ABCC1: variants seen among roughly 807,000 people sequenced by gnomAD.
ABCC1 encodes ATP binding cassette subfamily C member 1 (ABCC1 blood group).
In ABCC1, 83 loss-of-function variants were observed where a neutral mutation model predicts 172.9. That is an observed-to-expected ratio of 0.48 (90% CI 0.40 to 0.58). The LOEUF is 0.58. ABCC1 is among the 20% of genes least tolerant of loss of function. The pLI, the probability that ABCC1 is intolerant of heterozygous loss-of-function variation, is 0.00. For synonymous variants in ABCC1, 937 were observed against 825.2 expected, an observed-to-expected ratio of 1.14 and a Z score of -2.32; for missense variants, 1,817 against 2,002.7, an observed-to-expected ratio of 0.91 and a Z score of 1.77.
At chr16:16,096,745 G>T (rs2051497217) in intron 19 of ABCC1, among the ~76,000 whole-genome samples, 1 of 152,124 alleles carries the variant, frequency 6.6e-6, no homozygotes, top group Non-Finnish European at 1.5e-5. Flanking sequence ...CAGTGTTGGT[G>T]GAATAAACAG....
intron 24 of ABCC1, among the ~76,000 whole-genome samples, chr16:16,123,345 A>G (rs2045250071): frequency 6.6e-6 from 1 of 152,192 alleles, no homozygotes; most frequent in Non-Finnish European, 1.5e-5. Context: ...GCTTTAAACA[A>G]ATAAGATGGC....
chr16:16,046,886 C>T (rs2049233103), intron 9 of ABCC1, among the ~76,000 whole-genome samples: 1 of 151,612 alleles, frequency 6.6e-6, no homozygotes. Flanking sequence ...GTGAATTAGA[C>T]TCACCTGGGG....
Position 16,106,797 on chromosome 16 carries a change from C to T in ABCC1, c.2795C>T (p.Ala932Val), listed in dbSNP as rs375097324. The T allele has an allele frequency of 1.4e-5, 23 of 1,614,102 alleles. No individual in the cohort carries two copies. In the African/African-American group the frequency reaches 2.8e-4, roughly 20 times the overall value. The change falls in exon 21 of 31, where the codon GCA (alanine) becomes GTA (valine). Residue 932 changes from alanine to valine, a missense_variant. Transcript: ENST00000399410. ...GDISRHHNST[A>V]ELQKAEAKKE... ...ATCAGCAGGCACCACAACAGCACCG[C>T]AGAACTGCAGAAAGCTGAGGCCAAG...
intron 28 of ABCC1, 51 bp downstream of exon 28, chr16:16,134,559 G>T: frequency 6.4e-7 from 1 of 1,565,910 alleles, no homozygotes; most frequent in Non-Finnish European, 8.7e-7. Flanking sequence ...CAAGCCCTAT[G>T]ATTGCACTGA....
intron 30 of ABCC1, among the ~76,000 whole-genome samples, chr16:16,138,976 C>G (rs886631497): frequency 6.6e-6 from 1 of 152,256 alleles, no homozygotes; most frequent in African/African-American, 2.4e-5. Flanking sequence ...TCCCAAATTG[C>G]TGGGATTACA....
chr16:16,094,001 T>TTTA lies in ABCC1; in HGVS notation c.2644+3413_2644+3414insTTA, dbSNP rs869148726. On this transcript the variant is annotated intron_variant, in intron 19 of 30. Coordinates refer to ENST00000399410, the MANE Select transcript of ABCC1 (RefSeq NM_004996.4). Reference sequence around the variant, plus strand: ...CTCCTTTTTTTTTTTTTTTTTTTTTTAACTTTTAATGGCATTCCTTTTATT... The same window carrying TTTA: ...CTCCTTTTTTTTTTTTTTTTTTTTTTTTAAACTTTTAATGGCATTCCTTTTATT... 1.7e-4 allele frequency among the ~76,000 whole-genome samples: 20 copies of TTTA among 120,612 alleles called. No individual in the cohort carries two copies. The East Asian group carries it at 3.8e-3, about 23-fold the overall frequency. 79.1% of individuals were successfully genotyped at this position (120,612 alleles called of 152,430 possible).
rs45509894 is a variant in ABCC1 at position 16,056,603 on chromosome 16, C to T, written c.1677+308C>T. The T allele has an allele frequency of 3.9e-3, 1,581 of 402,458 alleles. 34 individuals carry two copies. Among genetic ancestry groups the T allele is most frequent in the African/African-American group, 0.029 (1,438 of 49,184 alleles). The allele number at this position is 402,458 out of a possible 1,614,324, so 24.9% of individuals were successfully genotyped here. On this transcript the variant is annotated intron_variant, in intron 12 of 30. Transcript: ENST00000399410. ...AGAATTACTTCAACCTGGGAGGCGA[C>T]GGTTGGAGTGGGCCAAGATCACGCC...
intron 8 of ABCC1, 55 bp from the exon 9 acceptor site, chr16:16,045,781 T>TC: frequency 6.4e-7 from 1 of 1,570,990 alleles, no homozygotes; most frequent in African/African-American, 1.3e-5. Context: ...GAAGCTCTCT[T>TC]CCCTGCCCCC....
intron 23 of ABCC1, among the ~76,000 whole-genome samples, chr16:16,119,060 A>T (rs1289397380): frequency 6.6e-6 from 1 of 152,194 alleles, no homozygotes; most frequent in East Asian, 1.9e-4. Context: ...TGAAATGCTA[A>T]TACACAACAA....
At chr16:16,102,564 G>C in intron 19 of ABCC1, 63 bp from the exon 20 acceptor site, 1 of 1,492,866 alleles carries the variant, frequency 6.7e-7, no homozygotes, top group African/African-American at 1.4e-5. Context: ...GGTTTTTGTT[G>C]CCCTTGGTTT....
rs113777241 is a variant in ABCC1 at position 16,089,024 on chromosome 16, C to T, written c.2461-1381C>T. Reference sequence around the variant, plus strand: ...GCACGTGTCCTGTTCTTTAAAGCATCGTCTACAGCTGCTTCAACTCGGCAG... The same window carrying T: ...GCACGTGTCCTGTTCTTTAAAGCATTGTCTACAGCTGCTTCAACTCGGCAG... On this transcript the variant is annotated intron_variant, in intron 18 of 30. Coordinates refer to ENST00000399410, the MANE Select transcript of ABCC1 (RefSeq NM_004996.4). Among the ~76,000 whole-genome samples the T allele has an allele frequency of 8.5e-3, 1,295 of 152,206 alleles. 16 individuals are homozygous for T. Among genetic ancestry groups the T allele is most frequent in the African/African-American group, 0.029 (1,194 of 41,516 alleles).
Position 16,136,459 on chromosome 16 carries a change from C to T in ABCC1, c.4126-19C>T. The stretch of plus-strand genomic sequence containing the variant: ...TGACACAGGTGTCACATGCCGTCCA[C>T]TCTCTTCTCTCTGAACAGGACCCTG... On this transcript the variant is annotated intron_variant, in intron 28 of 30. Coordinates refer to ENST00000399410, the MANE Select transcript of ABCC1 (RefSeq NM_004996.4). 6.2e-7 allele frequency: 1 copy of T among 1,613,212 alleles called. No individual in the cohort carries two copies. The highest frequency in any genetic ancestry group is 8.5e-7 in the Non-Finnish European group (1 of 1,179,396).
At chr16:15,972,197 G>A (rs1348677591) in intron 1 of ABCC1, among the ~76,000 whole-genome samples, 1 of 152,134 alleles carries the variant, frequency 6.6e-6, no homozygotes, top group Non-Finnish European at 1.5e-5. Flanking sequence ...TTCAAACCCA[G>A]CAGGTTGACT....
At chr16:16,100,594 T>C (rs1395632848) in intron 19 of ABCC1, among the ~76,000 whole-genome samples, 2 of 152,224 alleles carry the variant, frequency 1.3e-5, no homozygotes, top group Non-Finnish European at 2.9e-5. Flanking sequence ...TTAGTTAGTT[T>C]AGACAAAACA....
chr16:16,001,366 C>G (rs2047301572), intron 1 of ABCC1, among the ~76,000 whole-genome samples: 1 of 152,258 alleles, frequency 6.6e-6, no homozygotes, highest in East Asian at 1.9e-4. Context: ...GCGCCCGCCA[C>G]CACGCCCGGC....
intron 1 of ABCC1, among the ~76,000 whole-genome samples, chr16:16,003,911 T>C (rs73513992): frequency 0.024 from 3,338 of 141,508 alleles, 172 homozygotes; most frequent in African/African-American, 0.088. Context: ...GGTGGATGAA[T>C]TGGTAGGTGG....
intron 1 of ABCC1, among the ~76,000 whole-genome samples, chr16:15,991,133 T>C (rs1418371342): frequency 6.6e-6 from 1 of 151,958 alleles, no homozygotes; most frequent in Non-Finnish European, 1.5e-5. Flanking sequence ...CATGTGTGGC[T>C]GAGATTAGGA....
chr16:16,079,578 G>A, intron 16 of ABCC1, 100 bp downstream of exon 16: 1 of 1,426,032 alleles, frequency 7.0e-7, no homozygotes, highest in Non-Finnish European at 9.4e-7. Flanking sequence ...TGTGCCAGAA[G>A]CGAAAGCAGC....
At chr16:16,124,244 G>A (rs1162770701) in intron 24 of ABCC1, among the ~76,000 whole-genome samples, 1 of 151,930 alleles carries the variant, frequency 6.6e-6, no homozygotes. Context: ...TAAATCCCTA[G>A]TGTCTCTTAC....
Sources: gnomAD v4.1 joint callset for allele counts (sites outside exome capture counted in the v4.1 genomes callset) on GRCh38, gnomAD v4.1.1 for gene constraint, MANE v1.5 for transcripts, NCBI Gene and HGNC (gene_info 2026-07-23, HGNC 2026-07-21) for gene names.